The following NCOR1 variants were observed in gnomAD, a reference collection of about 807,000 sequenced individuals.
NCOR1 encodes the protein nuclear receptor corepressor 1.
NCOR1 carries 63 observed loss-of-function variants against 288.1 expected under a neutral mutation model. The observed-to-expected ratio is 0.22, with a 90% CI of 0.18 to 0.27. NCOR1 has a LOEUF of 0.27. NCOR1 is among the 10% of genes least tolerant of loss of function. NCOR1 has a pLI of 1.00. For missense variants in NCOR1, 2,397 were observed against 3,019.2 expected, an observed-to-expected ratio of 0.79 and a Z score of 4.83; for synonymous variants, 1,007 against 1,065.9, an observed-to-expected ratio of 0.94 and a Z score of 1.08.
At chr17:16,066,968 G>C (rs980771776) in intron 32 of NCOR1, among the ~76,000 whole-genome samples, 5 of 152,206 alleles carry the variant, frequency 3.3e-5, no homozygotes, top group African/African-American at 1.2e-4. Context: ...GGCCAGAGAA[G>C]AGGTCTCAGC....
At chr17:16,204,086 T>C (rs1333185350) in intron 1 of NCOR1, among the ~76,000 whole-genome samples, 3 of 152,100 alleles carry the variant, frequency 2.0e-5, no homozygotes, top group African/African-American at 4.8e-5. Context: ...TTAAAGTATA[T>C]GGTAATCAAA....
intron 23 of NCOR1, among the ~76,000 whole-genome samples, chr17:16,085,830 C>G (rs577204429): frequency 2.4e-4 from 36 of 152,276 alleles, no homozygotes; most frequent in East Asian, 3.9e-4. Flanking sequence ...CTGTGAAGAC[C>G]AGACCATATC....
intron 45 of NCOR1, among the ~76,000 whole-genome samples, chr17:16,034,445 G>T (rs1015379150): frequency 4.0e-5 from 6 of 151,832 alleles, no homozygotes; most frequent in Non-Finnish European, 8.8e-5. Context: ...AAATTAAAAT[G>T]AAAATGAAAA....
At chr17:16,037,169 G>A (rs553233382) in intron 44 of NCOR1, among the ~76,000 whole-genome samples, 2 of 152,198 alleles carry the variant, frequency 1.3e-5, no homozygotes, top group South Asian at 4.2e-4. Flanking sequence ...GAGGAGTCAG[G>A]ACACACACCA....
rs2153055713 is a variant in NCOR1, at chr17:16,108,853, A to T, written c.2115T>A (p.Thr705=). 2 of 1,607,440 alleles carry T rather than the reference A, an allele frequency of 1.2e-6. No homozygotes were observed. The highest frequency in any genetic ancestry group is 1.7e-6 in the Non-Finnish European group (2 of 1,175,928). The change falls in exon 19 of 46, where the codon ACT becomes ACA. Residue 705 remains threonine (T), a synonymous_variant. Coordinates refer to ENST00000268712, the MANE Select transcript of NCOR1 (RefSeq NM_006311.4). The part of the protein sequence containing the change: ...DVSQCESVAS[T]VSAQEDEDIE... The stretch of plus-strand genomic sequence containing the variant: ...TATCTTCATCCTCCTGAGCAGAAAC[A>T]GTGGAAGCGACACTTTCACATTGAG...
At chr17:16,078,653 G>T (rs1029973700) in intron 26 of NCOR1, among the ~76,000 whole-genome samples, 1 of 151,796 alleles carries the variant, frequency 6.6e-6, no homozygotes, top group African/African-American at 2.4e-5. Flanking sequence ...TCAGCTCACT[G>T]CAACCTCCGC....
In NCOR1 at chr17:16,071,538, G is replaced by A. The variant is rs2152735838; in HGVS notation, c.4023C>T (p.Ile1341=). The change falls in exon 30 of 46, where the codon ATC becomes ATT. Residue 1341 remains isoleucine, a synonymous_variant. Transcript: ENST00000268712. ...AACGCCCCATTTCTTTGATGGTGGT[G>A]ATGCCATCATATGGTTTTCCTTTGG... ...AITKGKPYDG[I]TTIKEMGRSI... The A allele has an allele frequency of 6.2e-7, 1 of 1,614,088 alleles. No individual in the cohort carries two copies. The highest frequency in any genetic ancestry group is 8.5e-7 in the Non-Finnish European group (1 of 1,180,010).
intron 42 of NCOR1, among the ~76,000 whole-genome samples, chr17:16,042,662 G>A (rs1024203287): frequency 6.6e-6 from 1 of 152,232 alleles, no homozygotes; most frequent in South Asian, 2.1e-4. Flanking sequence ...AGCCACTGTG[G>A]AGGCCAACTT....
intron 22 of NCOR1, 30 bp downstream of exon 22, chr17:16,091,833 G>A: frequency 6.2e-7 from 1 of 1,613,210 alleles, no homozygotes; most frequent in African/African-American, 1.3e-5. Context: ...CTTCATAAAA[G>A]TTCTCTTGGT....
At chr17:16,118,075 A>T (rs1453532189) in intron 17 of NCOR1, 48 bp from the exon 18 acceptor site, 2 of 1,565,962 alleles carry the variant, frequency 1.3e-6, no homozygotes, top group Non-Finnish European at 1.7e-6. Flanking sequence ...TCACCTGATC[A>T]AGCAAACAAG....
At chr17:16,074,777 A>G (rs919430560) in intron 27 of NCOR1, among the ~76,000 whole-genome samples, 4 of 151,998 alleles carry the variant, frequency 2.6e-5, no homozygotes, top group African/African-American at 4.9e-5. Context: ...ACAAGAATAC[A>G]TCTAAAAAAA....
At chr17:16,140,654 A>G (rs919981040) in intron 11 of NCOR1, among the ~76,000 whole-genome samples, 5 of 152,158 alleles carry the variant, frequency 3.3e-5, no homozygotes, top group African/African-American at 9.7e-5. Context: ...TTTCTACTAA[A>G]TATACAAAAA....
chr17:16,167,563 T>TA (rs2082249336), intron 4 of NCOR1, among the ~76,000 whole-genome samples: 1 of 151,526 alleles, frequency 6.6e-6, no homozygotes, highest in Non-Finnish European at 1.5e-5. Context: ...ATGGATAAAA[T>TA]AAAAAACTAT....
At chr17:16,136,942 CCCTTACTCTA>C (rs1322822178) in intron 14 of NCOR1, among the ~76,000 whole-genome samples, 7 of 152,022 alleles carry the variant, frequency 4.6e-5, no homozygotes, top group African/African-American at 1.7e-4. Context: ...GTATTTCTCT[CCCTTACTCTA>C]CCTGACCCCT....
intron 44 of NCOR1, 109 bp downstream of exon 44, chr17:16,039,324 G>A (rs781330341): frequency 9.4e-7 from 1 of 1,066,746 alleles, no homozygotes; most frequent in Non-Finnish European, 1.4e-6. Context: ...AGGTGACTCT[G>A]AGCACATAAA....
chr17:16,189,152 G>C (rs2087502209), intron 2 of NCOR1, among the ~76,000 whole-genome samples: 1 of 122,100 alleles, frequency 8.2e-6, no homozygotes. Context: ...TTAGCACATT[G>C]GGAGGCCAAG....
At chr17:16,128,052 T>C (rs1053333347) in intron 14 of NCOR1, among the ~76,000 whole-genome samples, 15 of 152,088 alleles carry the variant, frequency 9.9e-5, no homozygotes, top group Non-Finnish European at 1.6e-4. Flanking sequence ...ATGCTGGGAT[T>C]ACATGCACGA....
chr17:16,077,638 GAA>G (rs1353377038), intron 26 of NCOR1, among the ~76,000 whole-genome samples: 1 of 150,836 alleles, frequency 6.6e-6, no homozygotes, highest in Non-Finnish European at 1.5e-5. Flanking sequence ...GAAGGGAAAA[GAA>G]AAGAGAAAAG....
At chr17:16,091,627 T>A in intron 22 of NCOR1, 1 of 1,357,572 alleles carries the variant, frequency 7.4e-7, no homozygotes, top group Non-Finnish European at 9.5e-7. Flanking sequence ...AAGATGAATA[T>A]CAGAAAATTC....
Sources: gnomAD v4.1 joint callset for allele counts (sites outside exome capture counted in the v4.1 genomes callset) on GRCh38, gnomAD v4.1.1 for gene constraint, MANE v1.5 for transcripts, NCBI Gene and HGNC (gene_info 2026-07-23, HGNC 2026-07-21) for gene names.